The following RGS6 variants were observed in gnomAD, a reference collection of about 807,000 sequenced individuals.
The protein encoded by RGS6 is regulator of G-protein signaling 6.
Under a neutral mutation model 78.5 loss-of-function variants are expected in RGS6, and 30 were observed. The ratio of observed to expected loss-of-function variants is 0.38; its 90% CI spans 0.29 to 0.52. The LOEUF (loss-of-function observed/expected upper bound fraction) is 0.52. Ranked by LOEUF, RGS6 falls within the 20% of genes least tolerant of loss-of-function variation. The pLI is 0.85. For missense variants in RGS6, 495 were observed against 609.7 expected, an observed-to-expected ratio of 0.81 and a Z score of 1.98; for synonymous variants, 206 against 206.0, an observed-to-expected ratio of 1.00 and a Z score of 0.00.
At position 72,303,290 on chromosome 14, in the gene RGS6, C is replaced by T. The variant is rs2066515113; in HGVS notation, c.85-48805C>T. Among the ~76,000 whole-genome samples, 3 of 152,186 alleles carry T rather than the reference C, an allele frequency of 2.0e-5. No individual in the cohort carries two copies. The South Asian group carries it at 6.2e-4, about 31-fold the overall frequency. ...CGGATGCGGGTGGGTCACCTGAGGTCAGGAGTTCAAGACCAGCCTGGCCAA... is the reference window on the plus strand; with the variant it reads ...CGGATGCGGGTGGGTCACCTGAGGTTAGGAGTTCAAGACCAGCCTGGCCAA... On this transcript the variant is annotated intron_variant, in intron 2 of 17. Transcript: ENST00000553525.
At chr14:72,606,790 G>T in the RGS6 span, among the ~76,000 whole-genome samples, 8 of 152,086 alleles carry the variant, frequency 5.3e-5, no homozygotes, top group Admixed American at 3.9e-4. Flanking sequence ...CCCTCCCAGC[G>T]GTAGGTAATG....
chr14:72,334,581 A>G (rs1162188513), intron 2 of RGS6, among the ~76,000 whole-genome samples: 3 of 152,206 alleles, frequency 2.0e-5, no homozygotes, highest in Non-Finnish European at 4.4e-5. Context: ...ATTCAGGGAG[A>G]TGAGGGATGT....
intron 3 of RGS6, among the ~76,000 whole-genome samples, chr14:72,446,744 G>C (rs1028433087): frequency 6.6e-6 from 1 of 152,192 alleles, no homozygotes; most frequent in African/African-American, 2.4e-5. Context: ...AGTCGCACCT[G>C]GGGGGTGATG....
At chr14:72,009,274 G>C (rs2085204688) in intron 2 of RGS6, among the ~76,000 whole-genome samples, 1 of 152,136 alleles carries the variant, frequency 6.6e-6, no homozygotes, top group Admixed American at 6.6e-5. Context: ...TTGAGCCCAG[G>C]AAGTCAAGGC....
intron 2 of RGS6, among the ~76,000 whole-genome samples, chr14:72,279,501 C>G (rs995228332): frequency 2.6e-5 from 4 of 152,130 alleles, no homozygotes; most frequent in Admixed American, 1.3e-4. Flanking sequence ...CTACTCTGCT[C>G]AGAAATATAT....
intron 2 of RGS6, among the ~76,000 whole-genome samples, chr14:72,240,699 G>A (rs112353948): frequency 7.9e-5 from 12 of 152,030 alleles, no homozygotes; most frequent in African/African-American, 2.2e-4. Context: ...TTTTATTTCC[G>A]GTACTAGGTA....
intron 13 of RGS6, among the ~76,000 whole-genome samples, chr14:72,495,876 T>C (rs2096638121): frequency 6.6e-6 from 1 of 152,168 alleles, no homozygotes; most frequent in Non-Finnish European, 1.5e-5. Flanking sequence ...CTGTGTTTAC[T>C]TAAGAGGGGA....
intron 2 of RGS6, among the ~76,000 whole-genome samples, chr14:72,068,599 G>A (rs776130561): frequency 3.4e-5 from 5 of 147,366 alleles, no homozygotes; most frequent in Non-Finnish European, 7.4e-5. Flanking sequence ...CCAGGTTCAA[G>A]CAATTCTCTG....
chr14:72,317,830 T>C (rs969713029), intron 2 of RGS6, among the ~76,000 whole-genome samples: 2 of 151,916 alleles, frequency 1.3e-5, no homozygotes, highest in African/African-American at 2.4e-5. Context: ...CAGATATATA[T>C]AGAAAGGGGA....
intron 1 of RGS6, among the ~76,000 whole-genome samples, chr14:71,961,393 T>C (rs990517677): frequency 6.6e-6 from 1 of 152,128 alleles, no homozygotes; most frequent in African/African-American, 2.4e-5. Context: ...CTGGTTCTGA[T>C]AGTTGGTTAG....
At chr14:72,035,965 C>A (rs538407110) in intron 2 of RGS6, among the ~76,000 whole-genome samples, 1 of 152,132 alleles carries the variant, frequency 6.6e-6, no homozygotes, top group South Asian at 2.1e-4. Context: ...AATGAGAATA[C>A]AAAACAGTTC....
intron 2 of RGS6, among the ~76,000 whole-genome samples, chr14:72,164,288 A>G (rs1223534638): frequency 6.6e-6 from 1 of 152,228 alleles, no homozygotes; most frequent in Non-Finnish European, 1.5e-5. Context: ...ACTGCTCTAC[A>G]GTGGTAAAAA....
chr14:71,982,991 T>C (rs2094534184), intron 2 of RGS6, among the ~76,000 whole-genome samples: 1 of 152,192 alleles, frequency 6.6e-6, no homozygotes, highest in Non-Finnish European at 1.5e-5. Context: ...ATATCCTGAG[T>C]GTCTTAGTGG....
chr14:71,879,410 C>T, the RGS6 span, among the ~76,000 whole-genome samples: 1 of 152,144 alleles, frequency 6.6e-6, no homozygotes, highest in Admixed American at 6.5e-5. Context: ...AGCAAGATGA[C>T]TCCTTATAGT....
At chr14:72,183,219 C>G (rs986353294) in intron 2 of RGS6, among the ~76,000 whole-genome samples, 1 of 152,182 alleles carries the variant, frequency 6.6e-6, no homozygotes, top group African/African-American at 2.4e-5. Flanking sequence ...TCAATGACTA[C>G]TCTCCATTTC....
chr14:71,923,912 G>A, the RGS6 span, among the ~76,000 whole-genome samples: 3 of 152,172 alleles, frequency 2.0e-5, no homozygotes, highest in Non-Finnish European at 2.9e-5. Context: ...ATGGGACAAA[G>A]GACATTGCAG....
At chr14:72,289,176 A>T (rs2063129829) in intron 2 of RGS6, among the ~76,000 whole-genome samples, 1 of 152,152 alleles carries the variant, frequency 6.6e-6, no homozygotes, top group Non-Finnish European at 1.5e-5. Context: ...GTAGATCCTC[A>T]TCTTTGTATT....
chr14:72,464,592 A>G (rs1343660713), intron 6 of RGS6: 1 of 152,250 alleles, frequency 6.6e-6, no homozygotes, highest in East Asian at 1.9e-4. Flanking sequence ...CAAAATGATC[A>G]CAGGTTCTCT....
intron 3 of RGS6, among the ~76,000 whole-genome samples, chr14:72,364,481 C>T (rs2082099099): frequency 6.6e-6 from 1 of 152,188 alleles, no homozygotes; most frequent in South Asian, 2.1e-4. Flanking sequence ...ACTTTCTAGC[C>T]ATTTGAGAAA....
Sources: gnomAD v4.1 joint callset for allele counts (sites outside exome capture counted in the v4.1 genomes callset) on GRCh38, gnomAD v4.1.1 for gene constraint, MANE v1.5 for transcripts, NCBI Gene and HGNC (gene_info 2026-07-23, HGNC 2026-07-21) for gene names.